The following GRK2 variants were observed in gnomAD, a reference collection of about 807,000 sequenced individuals.
GRK2 encodes the protein adrenergic beta receptor kinase 1.
Under a neutral mutation model 97.8 loss-of-function variants are expected in GRK2, and 23 were observed. The ratio of observed to expected loss-of-function variants is 0.24; its 90% CI spans 0.17 to 0.33. The LOEUF is 0.33. Ranked by LOEUF, GRK2 falls within the 10% of genes least tolerant of loss-of-function variation. The probability of loss-of-function intolerance (pLI) is 1.00; values close to 1 mark genes in which losing one functional copy is unlikely to be tolerated. For missense variants in GRK2, 633 were observed against 956.9 expected (o/e 0.66, Z 4.47); for synonymous variants, 425 against 381.7 (o/e 1.11, Z -1.32).
intron 1 of GRK2, among the ~76,000 whole-genome samples, chr11:67,274,097 C>T (rs1457631091): frequency 6.6e-6 from 1 of 150,780 alleles, no homozygotes; most frequent in East Asian, 1.9e-4. Flanking sequence ...ACTGCAACCT[C>T]TGTCTCCAGG....
At chr11:67,267,144 C>T (rs1461949283) in intron 1 of GRK2, among the ~76,000 whole-genome samples, 2 of 152,200 alleles carry the variant, frequency 1.3e-5, no homozygotes, top group Non-Finnish European at 2.9e-5. Context: ...GCCCCTGGCT[C>T]CCGCCTTCTC....
chr11:67,281,745 C>T lies in GRK2; in HGVS notation c.826+17C>T, dbSNP rs885833. On this transcript the variant is annotated intron_variant, in intron 10 of 20. Transcript: ENST00000308595. The surrounding 1 kb of genome is among the most constrained non-coding windows in gnomAD (Gnocchi z 5.7). The stretch of plus-strand genomic sequence containing the variant: ...TCATGAACGGTGAGTGCTGGCCGGG[C>T]CCTAGGGTGGGCCGGGCCCAGGCAC... The T allele has an allele frequency of 0.018, 29,128 of 1,613,158 alleles. 3,431 individuals are homozygous for T. In the Admixed American group the frequency reaches 0.29, roughly 16 times the overall value.
At position 67,286,295 on chromosome 11, in the gene GRK2, C is replaced by A. The variant is rs1246388832; in HGVS notation, c.*845C>A. 4.6e-6 allele frequency: 3 copies of A among 648,600 alleles called. No homozygotes were observed. The highest frequency in any genetic ancestry group is 5.4e-5 in the Admixed American group (2 of 37,148). 40.2% of individuals were successfully genotyped at this position (648,600 alleles called of 1,614,324 possible). ...TGGGGCCTATCAGTGTGCCCCCCAT[C>A]CTGGCCCATCAGTGTACCCCCGCCC... On this transcript the variant is annotated 3_prime_UTR_variant, in exon 21 of 21. Transcript: ENST00000308595.
At chr11:67,283,053 C>T in intron 14 of GRK2, 75 bp from the exon 15 acceptor site, 1 of 1,459,050 alleles carries the variant, frequency 6.9e-7, no homozygotes, top group Non-Finnish European at 9.6e-7. Flanking sequence ...GGGCCTGGAC[C>T]CCTCTCTCCC....
intron 1 of GRK2, among the ~76,000 whole-genome samples, chr11:67,274,968 G>T (rs183015152): frequency 5.1e-4 from 77 of 152,308 alleles, no homozygotes; most frequent in African/African-American, 1.3e-3. Flanking sequence ...TCCAGGCAGG[G>T]TCTGTTCCAA....
intron 1 of GRK2, among the ~76,000 whole-genome samples, chr11:67,271,562 T>A (rs759239556): frequency 1.5e-4 from 23 of 152,328 alleles, no homozygotes; most frequent in Middle Eastern, 3.4e-3. Flanking sequence ...CAGCAGTAAA[T>A]TGCAGGGTGT....
intron 1 of GRK2, among the ~76,000 whole-genome samples, chr11:67,271,820 C>T (rs191634495): frequency 2.6e-5 from 4 of 152,304 alleles, no homozygotes; most frequent in Admixed American, 2.6e-4. Flanking sequence ...TCCTTGTTCG[C>T]CCCAGGGAGA....
chr11:67,283,175 G>A lies in GRK2; in HGVS notation c.1275G>A (p.Leu425=). The A allele has an allele frequency of 6.2e-7, 1 of 1,613,992 alleles. No homozygotes were observed. Among genetic ancestry groups the A allele is most frequent in the Non-Finnish European group, 8.5e-7 (1 of 1,179,972 alleles). Residue 425 remains leucine (L), a synonymous_variant, in exon 15 of 21, where the codon CTG becomes CTA. Coordinates refer to ENST00000308595, the MANE Select transcript of GRK2 (RefSeq NM_001619.5). The part of the protein sequence containing the change: ...DSFSPELRSL[L]EGLLQRDVNR... ...TCTCCCCTGAACTACGCTCCCTGCTGGAGGGGTTGCTGCAGAGGGATGTCA... is the reference window on the plus strand; with the variant it reads ...TCTCCCCTGAACTACGCTCCCTGCTAGAGGGGTTGCTGCAGAGGGATGTCA...
chr11:67,273,461 C>T (rs1344437194), intron 1 of GRK2, among the ~76,000 whole-genome samples: 1 of 152,236 alleles, frequency 6.6e-6, no homozygotes, highest in East Asian at 1.9e-4. Context: ...CAAGGTGACC[C>T]AGTCCAGGAG....
At chr11:67,280,097 C>T (rs1222168068) in intron 6 of GRK2, 197 bp downstream of exon 6, 3 of 609,632 alleles carry the variant, frequency 4.9e-6, no homozygotes, top group Non-Finnish European at 8.8e-6. Flanking sequence ...CCCTCCTCAG[C>T]ACCAGGCAGC....
chr11:67,283,794 C>A (rs1249674595), intron 16 of GRK2, 21 bp downstream of exon 16: 1 of 1,612,936 alleles, frequency 6.2e-7, no homozygotes, highest in African/African-American at 1.3e-5. Flanking sequence ...GCGGCAGGGA[C>A]TGGGGGTGCT....
chr11:67,280,287 G>C (rs1860121384), intron 6 of GRK2: 2 of 380,372 alleles, frequency 5.3e-6, no homozygotes, highest in Admixed American at 8.3e-5. Context: ...CTCACAGCCA[G>C]AGTTGGCGCG....
rs1859871569 is a variant in GRK2, at chr11:67,269,824, G to A, written c.113+3012G>A. On this transcript the variant is annotated intron_variant, in intron 1 of 20. Coordinates refer to ENST00000308595, the MANE Select transcript of GRK2 (RefSeq NM_001619.5). This position sits in a 1 kb window ranked among gnomAD's most constrained non-coding sequence, Gnocchi z 4.1. ...GGGGATGTGTCTTGGCCAAGAACTGGGGCTGGCATCACAGCTCTGAGTTCC... is the reference window on the plus strand; with the variant it reads ...GGGGATGTGTCTTGGCCAAGAACTGAGGCTGGCATCACAGCTCTGAGTTCC... 6.6e-6 allele frequency among the ~76,000 whole-genome samples: 1 copy of A among 152,220 alleles called. No homozygotes were observed. The highest frequency in any genetic ancestry group is 2.1e-4 in the South Asian group (1 of 4,834).
intron 5 of GRK2, 60 bp downstream of exon 5, chr11:67,279,760 G>A: frequency 2.5e-6 from 4 of 1,613,014 alleles, no homozygotes; most frequent in Non-Finnish European, 3.4e-6. Flanking sequence ...TGGTCAACAA[G>A]CCTGGTCAGC....
chr11:67,286,479 G>C lies in GRK2; in HGVS notation c.*1029G>C. The C allele has an allele frequency of 1.4e-6, 1 of 700,532 alleles. No individual in the cohort carries two copies. Among genetic ancestry groups the C allele is most frequent in the Admixed American group, 2.0e-5 (1 of 49,760 alleles). The allele number at this position is 700,532 out of a possible 1,614,324, so 43.4% of individuals were successfully genotyped here. A position where few individuals can be genotyped will look rare whatever the true frequency, so the allele number is the denominator to read the frequency against. On this transcript the variant is annotated 3_prime_UTR_variant, in exon 21 of 21. Transcript: ENST00000308595. ...CTCCCGTCTACTCATTCCCCGGGGC[G>C]TTTCTTTGCCGATTTTTGAATGTGA...
chr11:67,280,022 C>T (rs1299633380), intron 6 of GRK2, 122 bp downstream of exon 6: 16 of 966,872 alleles, frequency 1.7e-5, no homozygotes, highest in African/African-American at 4.8e-5. Context: ...GTGGCTGGCC[C>T]GTCAGCGGCC....
At position 67,272,890 on chromosome 11, in the gene GRK2, C is replaced by T. The variant is rs149978303; in HGVS notation, c.114-4382C>T. Among the ~76,000 whole-genome samples the T allele has an allele frequency of 8.1e-4, 124 of 152,380 alleles. 2 individuals carry two copies. Among genetic ancestry groups the T allele is most frequent in the African/African-American group, 2.8e-3 (117 of 41,598 alleles). Reference sequence around the variant, plus strand: ...CCATCCTCCAAGGCCCCATCCTCTCCGAGGACACGGCAAATGTGGAGCAGA... The same window carrying T: ...CCATCCTCCAAGGCCCCATCCTCTCTGAGGACACGGCAAATGTGGAGCAGA... On this transcript the variant is annotated intron_variant, in intron 1 of 20. Coordinates refer to ENST00000308595, the MANE Select transcript of GRK2 (RefSeq NM_001619.5).
At chr11:67,268,517 C>T (rs576279062) in intron 1 of GRK2, among the ~76,000 whole-genome samples, 2 of 152,284 alleles carry the variant, frequency 1.3e-5, no homozygotes, top group East Asian at 3.9e-4. Flanking sequence ...CTCTAGGGCT[C>T]AAAACGGCTC....
At position 67,281,386 on chromosome 11, in the gene GRK2, T is replaced by G. The variant is rs1162853517; in HGVS notation, c.648-73T>G. ...GCTGGTCCTGGGTCTAGTCTTTCCC[T>G]CAAGCGCCCCCTGAGGCAGCCCTGG... On this transcript the variant is annotated intron_variant, in intron 8 of 20. Transcript: ENST00000308595. The surrounding 1 kb of genome is among the most constrained non-coding windows in gnomAD (Gnocchi z 5.7). 2 of 1,423,664 alleles carry G rather than the reference T, an allele frequency of 1.4e-6. No homozygotes were observed. Among genetic ancestry groups the G allele is most frequent in the Non-Finnish European group, 2.0e-6 (2 of 1,014,736 alleles). 88.2% of individuals were successfully genotyped at this position (1,423,664 alleles called of 1,614,324 possible). A position where few individuals can be genotyped will look rare whatever the true frequency, so the allele number is the denominator to read the frequency against.
Sources: allele counts gnomAD v4.1 joint callset (sites outside exome capture counted in the v4.1 genomes callset), GRCh38; gene constraint gnomAD v4.1.1; non-coding constraint Gnocchi (gnomAD v3.1); transcripts MANE v1.5; gene names NCBI Gene and HGNC (gene_info 2026-07-23, HGNC 2026-07-21).